Variants in AHDC1 observed in about 807,000 individuals in gnomAD.
AHDC1 encodes AT-hook DNA binding motif containing 1.
In AHDC1, 7 loss-of-function variants were observed where a neutral mutation model predicts 87.9. The observed-to-expected ratio is 0.08, with a 90% CI of 0.05 to 0.15. The LOEUF (loss-of-function observed/expected upper bound fraction) is 0.15. Among genes scored for constraint, AHDC1 ranks in the 10% least tolerant of loss-of-function variants. The pLI is 1.00. For synonymous variants in AHDC1, 1,051 were observed against 1,006.8 expected (o/e 1.04, Z -0.83); for missense variants, 1,841 against 2,253.2 (o/e 0.82, Z 3.70).
intron 8 of AHDC1, among the ~76,000 whole-genome samples, chr1:27,536,465 G>T (rs1335644235): frequency 1.3e-5 from 2 of 152,206 alleles, no homozygotes; most frequent in Non-Finnish European, 2.9e-5. Flanking sequence ...GCCTGGGAGG[G>T]TGACAGCTGT....
At chr1:27,545,318 G>A (rs912496604) in intron 8 of AHDC1, among the ~76,000 whole-genome samples, 1 of 152,018 alleles carries the variant, frequency 6.6e-6, no homozygotes, top group Non-Finnish European at 1.5e-5. Context: ...CTGGACAGAT[G>A]TCTCTAGAAC....
chr1:27,576,926 C>T (rs2088770230), intron 3 of AHDC1, among the ~76,000 whole-genome samples: 2 of 152,174 alleles, frequency 1.3e-5, no homozygotes, highest in South Asian at 4.1e-4. Flanking sequence ...CACATATATA[C>T]AGTGCATCCC....
At chr1:27,582,481 C>A (rs2088935107) in intron 3 of AHDC1, among the ~76,000 whole-genome samples, 1 of 152,220 alleles carries the variant, frequency 6.6e-6, no homozygotes. Context: ...TGTGGGCATG[C>A]CCAATGCCCC....
chr1:27,593,871 C>T lies in AHDC1; in HGVS notation c.-629+9526G>A, dbSNP rs1411199879. ...AGGACTTGCTGGGCTGGGACACAGG[C>T]GATGTCTTGGGGACCCTTCCCACAG... is the stretch of plus-strand genomic sequence containing the variant. On this transcript the variant is annotated intron_variant, in intron 3 of 8. Transcript: ENST00000673934. The surrounding 1 kb of genome is among the most constrained non-coding windows in gnomAD (Gnocchi z 4.9). 1.3e-5 allele frequency among the ~76,000 whole-genome samples: 2 copies of T among 152,202 alleles called. No homozygotes were observed. The highest frequency in any genetic ancestry group is 2.4e-5 in the African/African-American group (1 of 41,446).
At chr1:27,597,990 C>G (rs576256177) in intron 3 of AHDC1, among the ~76,000 whole-genome samples, 1 of 152,342 alleles carries the variant, frequency 6.6e-6, no homozygotes, top group Admixed American at 6.5e-5. Flanking sequence ...CTCCGTCTGT[C>G]TGTGTGTGGG....
chr1:27,603,067 G>A (rs1045004063), intron 3 of AHDC1, among the ~76,000 whole-genome samples: 1 of 150,624 alleles, frequency 6.6e-6, no homozygotes, highest in South Asian at 2.1e-4. Context: ...GGAAGGAGGA[G>A]GGGGCGCGCG....
At chr1:27,584,896 G>T (rs893742822) in intron 3 of AHDC1, among the ~76,000 whole-genome samples, 4 of 152,144 alleles carry the variant, frequency 2.6e-5, no homozygotes. Context: ...GGACAGGACA[G>T]GCGTGGTGGC....
At chr1:27,555,810 A>G (rs2019792265) in intron 5 of AHDC1, among the ~76,000 whole-genome samples, 1 of 151,644 alleles carries the variant, frequency 6.6e-6, no homozygotes, top group African/African-American at 2.4e-5. Context: ...GGCAGAAGAG[A>G]AAAACCTCCT....
chr1:27,557,084 T>C (rs2019852779), intron 5 of AHDC1, among the ~76,000 whole-genome samples: 1 of 86,656 alleles, frequency 1.2e-5, no homozygotes, highest in African/African-American at 4.5e-5. Flanking sequence ...CCTTCCTCCC[T>C]GGAACAGGGC....
Position 27,551,859 on chromosome 1 carries a change from G to T in AHDC1, c.257C>A (p.Pro86Gln), listed in dbSNP as rs2019586808. The T allele has an allele frequency of 6.2e-7, 1 of 1,609,376 alleles. No homozygotes were observed. Among genetic ancestry groups the T allele is most frequent in the Non-Finnish European group, 8.5e-7 (1 of 1,178,512 alleles). ...VLAKGDDPLP[P>Q]RAARPVSQAR... ...CTGTGAGACAGGACGGGCTGCCCGT[G>T]GGGGCAGCGGGTCGTCCCCCTTGGC... The change falls in exon 8 of 9, where the codon CCA (proline) becomes CAA (glutamine). Residue 86 changes from proline to glutamine, a missense_variant. Pro to Gln is a moderately conservative substitution (Grantham distance 76, BLOSUM62 -1). Coordinates refer to ENST00000673934, the MANE Select transcript of AHDC1 (RefSeq NM_001371928.1).
intron 3 of AHDC1, among the ~76,000 whole-genome samples, chr1:27,569,110 A>C (rs2020458950): frequency 1.1e-5 from 1 of 90,684 alleles, no homozygotes; most frequent in Non-Finnish European, 2.1e-5. Context: ...ACTACCCCCC[A>C]TCGCCCAGTG....
intron 3 of AHDC1, among the ~76,000 whole-genome samples, chr1:27,574,809 C>T (rs79398689): frequency 0.011 from 1,600 of 152,270 alleles, 32 homozygotes; most frequent in African/African-American, 0.037. Flanking sequence ...TCTTTCCTTC[C>T]CCAAGCCATA....
intron 8 of AHDC1, among the ~76,000 whole-genome samples, chr1:27,537,099 G>C (rs1384662684): frequency 6.6e-6 from 1 of 152,186 alleles, no homozygotes; most frequent in African/African-American, 2.4e-5. Flanking sequence ...CTTCGGGATG[G>C]GAAGGAGCGG....
At chr1:27,566,050 G>A (rs1315501846) in intron 3 of AHDC1, among the ~76,000 whole-genome samples, 1 of 152,154 alleles carries the variant, frequency 6.6e-6, no homozygotes, top group Non-Finnish European at 1.5e-5. Flanking sequence ...CCTGCCCCCT[G>A]CACCAGCTCC....
chr1:27,594,669 G>C (rs1051156650), intron 3 of AHDC1, among the ~76,000 whole-genome samples: 5 of 152,166 alleles, frequency 3.3e-5, no homozygotes, highest in Admixed American at 2.0e-4. Flanking sequence ...GGGAAGAGCG[G>C]GAGGCCTGGG....
chr1:27,594,210 C>T (rs2089303378), intron 3 of AHDC1, among the ~76,000 whole-genome samples: 1 of 152,122 alleles, frequency 6.6e-6, no homozygotes, highest in Admixed American at 6.5e-5. Context: ...AACTGACTCC[C>T]AGGGAGACCA....
intron 8 of AHDC1, among the ~76,000 whole-genome samples, chr1:27,536,646 G>A (rs957376988): frequency 8.5e-5 from 13 of 152,120 alleles, no homozygotes; most frequent in African/African-American, 2.9e-4. Context: ...GAGCGCTGGG[G>A]GCATCTATCC....
intron 3 of AHDC1, among the ~76,000 whole-genome samples, chr1:27,588,993 G>A (rs1188131299): frequency 2.0e-5 from 3 of 152,120 alleles, no homozygotes; most frequent in African/African-American, 7.2e-5. Flanking sequence ...ACATGTGCAT[G>A]AGGAGATGGT....
intron 3 of AHDC1, among the ~76,000 whole-genome samples, chr1:27,574,025 AG>A (rs570426170): frequency 1.1e-3 from 174 of 152,340 alleles, no homozygotes; most frequent in African/African-American, 3.9e-3. Flanking sequence ...ACACAGGCCC[AG>A]GCCCAACATC....
Sources: allele counts gnomAD v4.1 joint callset (sites outside exome capture counted in the v4.1 genomes callset), GRCh38; gene constraint gnomAD v4.1.1; non-coding constraint Gnocchi (gnomAD v3.1); transcripts MANE v1.5; gene names NCBI Gene and HGNC (gene_info 2026-07-23, HGNC 2026-07-21).